The following TTC3 variants were observed in gnomAD, a reference collection of about 807,000 sequenced individuals.
TTC3 encodes the protein E3 ubiquitin-protein ligase TTC3.
TTC3 carries 180 observed loss-of-function variants against 249.6 expected under a neutral mutation model. That is an observed-to-expected ratio of 0.72 (90% CI 0.64 to 0.82). The LOEUF (loss-of-function observed/expected upper bound fraction) is 0.82. Ranked by LOEUF, TTC3 falls within the 40% of genes least tolerant of loss-of-function variation. The pLI, the probability that TTC3 is intolerant of heterozygous loss-of-function variation, is 0.00. For synonymous variants in TTC3, 717 were observed against 805.0 expected, an observed-to-expected ratio of 0.89 and a Z score of 1.85; for missense variants, 2,061 against 2,398.4, an observed-to-expected ratio of 0.86 and a Z score of 2.94.
intron 10 of TTC3, among the ~76,000 whole-genome samples, chr21:37,103,215 G>A (rs1338557903): frequency 6.6e-6 from 1 of 152,202 alleles, no homozygotes; most frequent in Admixed American, 6.5e-5. Flanking sequence ...AGGGCAGAAT[G>A]TAGCATATTT....
chr21:37,143,657 A>G (rs1018291936), intron 20 of TTC3, among the ~76,000 whole-genome samples: 5 of 151,420 alleles, frequency 3.3e-5, no homozygotes, highest in Non-Finnish European at 5.9e-5. Context: ...ACTGTAAACT[A>G]GTTCAACCAT....
intron 1 of TTC3, chr21:37,083,421 G>A: frequency 1.0e-6 from 1 of 985,242 alleles, no homozygotes; most frequent in Non-Finnish European, 1.2e-6. Context: ...AAGATTGAAG[G>A]CAAGTCTGAC....
chr21:37,113,449 A>G (rs1053899940), intron 11 of TTC3, among the ~76,000 whole-genome samples: 1 of 152,206 alleles, frequency 6.6e-6, no homozygotes, highest in African/African-American at 2.4e-5. Flanking sequence ...CTTCAAAGAG[A>G]ATAAAATACC....
chr21:37,095,715 T>G (rs2073870618), intron 9 of TTC3, among the ~76,000 whole-genome samples: 1 of 152,230 alleles, frequency 6.6e-6, no homozygotes, highest in African/African-American at 2.4e-5. Context: ...CTCTTTTGTC[T>G]TGTTCTCATT....
chr21:37,130,738 G>T (rs2077404097), intron 16 of TTC3, among the ~76,000 whole-genome samples: 1 of 151,892 alleles, frequency 6.6e-6, no homozygotes, highest in African/African-American at 2.4e-5. Context: ...GTGCATTTAG[G>T]CTCTTCATTC....
intron 13 of TTC3, among the ~76,000 whole-genome samples, chr21:37,124,109 G>GTTTTTTTTTT (rs1167142816): frequency 7.6e-5 from 2 of 26,158 alleles, no homozygotes; most frequent in African/African-American, 1.5e-4. Flanking sequence ...TTTTTGAACT[G>GTTTTTTTTTT]TTCTTTTTTT....
chr21:37,090,053 A>G (rs1295248725), intron 5 of TTC3, among the ~76,000 whole-genome samples, 180 bp from the exon 6 acceptor site: 1 of 151,968 alleles, frequency 6.6e-6, no homozygotes, highest in African/African-American at 2.4e-5. Context: ...CCTATTGGAG[A>G]CTATTTTGGA....
intron 41 of TTC3, chr21:37,195,107 G>C (rs2084726900): frequency 6.6e-6 from 1 of 152,412 alleles, no homozygotes; most frequent in African/African-American, 2.4e-5. Flanking sequence ...CTGACTTTGA[G>C]TTGCCTTGGA....
chr21:37,125,990 A>G, intron 14 of TTC3, 90 bp from the exon 15 acceptor site: 4 of 1,254,880 alleles, frequency 3.2e-6, no homozygotes, highest in Non-Finnish European at 4.4e-6. Context: ...ATTCTATCCT[A>G]TTCTATTCTA....
chr21:37,201,561 G>T (rs2085509448), exon 46 of TTC3: 1 of 1,613,790 alleles, frequency 6.2e-7, no homozygotes, highest in Admixed American at 1.7e-5. Flanking sequence ...CTGCCTTCCT[G>T]CTCTTCTAGG....
At chr21:37,180,264 G>A (rs901419483) in intron 35 of TTC3, among the ~76,000 whole-genome samples, 2 of 152,010 alleles carry the variant, frequency 1.3e-5, no homozygotes, top group South Asian at 2.1e-4. Context: ...GAATGGTTAG[G>A]ACTGCATGCC....
intron 38 of TTC3, 137 bp downstream of exon 38, chr21:37,187,282 C>T: frequency 1.6e-6 from 1 of 630,400 alleles, no homozygotes; most frequent in Non-Finnish European, 2.7e-6. Context: ...AATATATCCT[C>T]CCTAAAACGA....
chr21:37,133,397 C>T (rs1320170512), intron 17 of TTC3, among the ~76,000 whole-genome samples: 2 of 152,080 alleles, frequency 1.3e-5, no homozygotes, highest in Admixed American at 6.5e-5. Context: ...AAATAGATTC[C>T]TAATCATTTG....
chr21:37,079,721 A>T (rs2071377747), intron 1 of TTC3, among the ~76,000 whole-genome samples: 1 of 151,238 alleles, frequency 6.6e-6, no homozygotes. Flanking sequence ...TTTAGTAGAG[A>T]CGGAGTTTCA....
chr21:37,183,124 T>G (rs757975441), intron 36 of TTC3, among the ~76,000 whole-genome samples: 1 of 152,162 alleles, frequency 6.6e-6, no homozygotes, highest in Non-Finnish European at 1.5e-5. Context: ...TTCAGATAAA[T>G]TATATAAAAG....
chr21:37,105,238 TG>T (rs1212351724), intron 10 of TTC3, among the ~76,000 whole-genome samples: 1 of 151,940 alleles, frequency 6.6e-6, no homozygotes, highest in Admixed American at 6.6e-5. Flanking sequence ...TGCAAGGAAA[TG>T]GAGACAGCTA....
At chr21:37,167,496 G>A (rs1011136353) in intron 33 of TTC3, 59 bp from the exon 34 acceptor site, 20 of 1,340,254 alleles carry the variant, frequency 1.5e-5, no homozygotes, top group Non-Finnish European at 2.0e-5. Context: ...CTACTTGATG[G>A]GCTTATTTTA....
At chr21:37,134,226 C>T (rs577441072) in intron 17 of TTC3, among the ~76,000 whole-genome samples, 23 of 152,112 alleles carry the variant, frequency 1.5e-4, no homozygotes, top group African/African-American at 5.1e-4. Context: ...CCGAGGCAGG[C>T]GGATCACAAG....
At chr21:37,088,745 A>G (rs1334843722) in intron 4 of TTC3, 54 bp from the exon 5 acceptor site, 57 of 1,501,930 alleles carry the variant, frequency 3.8e-5, no homozygotes, top group Non-Finnish European at 5.2e-5. Context: ...ATAAAGTTCA[A>G]TGAATTTGTA....
Sources: allele counts gnomAD v4.1 joint callset (sites outside exome capture counted in the v4.1 genomes callset), GRCh38; gene constraint gnomAD v4.1.1; transcripts MANE v1.5; gene names NCBI Gene and HGNC (gene_info 2026-07-23, HGNC 2026-07-21).